The following IDH2 variants were observed in gnomAD, a reference collection of about 807,000 sequenced individuals.
IDH2 encodes the protein isocitrate dehydrogenase [NADP], mitochondrial.
A neutral mutation model predicts 50.5 loss-of-function variants in IDH2; 18 were observed. That is an observed-to-expected ratio of 0.36 (90% CI 0.25 to 0.53). The LOEUF is 0.53. Ranked by LOEUF, IDH2 falls within the 20% of genes least tolerant of loss-of-function variation. IDH2 has a pLI of 0.92. For synonymous variants in IDH2, 280 were observed against 239.8 expected, an observed-to-expected ratio of 1.17 and a Z score of -1.55; for missense variants, 518 against 610.7, an observed-to-expected ratio of 0.85 and a Z score of 1.60.
At chr15:90,092,055 T>G (rs1216716588) in intron 1 of IDH2, among the ~76,000 whole-genome samples, 1 of 152,188 alleles carries the variant, frequency 6.6e-6, no homozygotes, top group Non-Finnish European at 1.5e-5. Flanking sequence ...TGTCACTGTC[T>G]TCCAGCACCT....
At position 90,088,695 on chromosome 15, in the gene IDH2, G is replaced by T. The variant is rs1300077995; in HGVS notation, c.426C>A (p.Ile142=). The change falls in exon 4 of 11, where the codon ATC becomes ATA. Residue 142 remains isoleucine (I), a synonymous_variant. Transcript: ENST00000330062. ...GCTCCCGGAAGACAGTCCCCCCCAG[G>T]ATGTTCCGGATAGTTCCATTGGGAC... The part of the protein sequence containing the change: ...WKSPNGTIRN[I]LGGTVFREPI... 5.0e-6 allele frequency: 8 copies of T among 1,613,970 alleles called. No individual in the cohort carries two copies. In the African/African-American group the frequency reaches 1.1e-4, roughly 22 times the overall value.
rs1901044352 is a variant in IDH2 at position 90,091,737 on chromosome 15, G to A, written c.116-93C>T. On this transcript the variant is annotated intron_variant, in intron 1 of 10. Coordinates refer to ENST00000330062, the MANE Select transcript of IDH2 (RefSeq NM_002168.4). ...CAGGCCCGCCCTTCACCAGGAGACA[G>A]TGGCAGAAAGCCAGGGCTCCAGCTG... 5 of 1,027,484 alleles carry A rather than the reference G, an allele frequency of 4.9e-6. No homozygotes were observed. The South Asian group carries it at 6.3e-5, about 13-fold the overall frequency. The allele number at this position is 1,027,484 out of a possible 1,614,324, so 63.6% of individuals were successfully genotyped here.
At position 90,087,127 on chromosome 15, in the gene IDH2, C is replaced by G; in HGVS notation, c.952G>C (p.Asp318His). The change falls in exon 7 of 11, where the codon GAC becomes CAC. Residue 318 changes from aspartate to histidine, a missense_variant. Asp to His is a moderately conservative substitution (Grantham distance 81, BLOSUM62 -1). Around this residue, in one of 5 missense-constraint regions of IDH2, gnomAD observed 23 missense variants for 57.9 expected, o/e 0.40. Transcript: ENST00000330062. ...CCCAGCGTACCCTGGGCCAGGATGTCTGACTGCACATCTCCGTCATAGTTC... is the reference window on the plus strand; with the variant it reads ...CCCAGCGTACCCTGGGCCAGGATGTGTGACTGCACATCTCCGTCATAGTTC... Reference protein sequence around the residue: ...CKNYDGDVQSDILAQGFGSLG... With the variant: ...CKNYDGDVQSHILAQGFGSLG... The G allele has an allele frequency of 1.2e-6, 2 of 1,614,204 alleles. 1 individual carries two copies. The highest frequency in any genetic ancestry group is 1.7e-6 in the Non-Finnish European group (2 of 1,180,036).
In IDH2 at chr15:90,088,566, C is replaced by A. The variant is rs1338437488; in HGVS notation, c.534+21G>T. 1.9e-6 allele frequency: 3 copies of A among 1,614,064 alleles called. No homozygotes were observed. The Admixed American group carries it at 5.0e-5, about 27-fold the overall frequency. ...TCGGGGGGTGCCCAGGTCAGTGGATCCCCTCTCCACCCTGGCCTACCTGGT... is the reference window on the plus strand; with the variant it reads ...TCGGGGGGTGCCCAGGTCAGTGGATACCCTCTCCACCCTGGCCTACCTGGT... On this transcript the variant is annotated intron_variant, in intron 4 of 10. Transcript: ENST00000330062.
At chr15:90,089,621 G>A (rs1382938316) in intron 3 of IDH2, among the ~76,000 whole-genome samples, 1 of 152,246 alleles carries the variant, frequency 6.6e-6, no homozygotes, top group Non-Finnish European at 1.5e-5. Context: ...GGCATGACCT[G>A]CAGGACAGGG....
intron 5 of IDH2, among the ~76,000 whole-genome samples, chr15:90,087,776 C>T (rs569753415): frequency 1.9e-4 from 28 of 150,950 alleles, no homozygotes; most frequent in Non-Finnish European, 3.8e-4. Flanking sequence ...TGTAAAACAC[C>T]GCCTTTTTTT....
intron 7 of IDH2, among the ~76,000 whole-genome samples, 181 bp downstream of exon 7, chr15:90,086,931 A>T (rs1239427311): frequency 6.6e-6 from 1 of 151,986 alleles, no homozygotes; most frequent in East Asian, 1.9e-4. Context: ...CACCAGTCCA[A>T]ACCTAATTTG....
chr15:90,088,554 A>C (rs1377232386), intron 4 of IDH2, 33 bp downstream of exon 4: 1 of 1,614,146 alleles, frequency 6.2e-7, no homozygotes. Context: ...GGGGGTGCCC[A>C]GGTCAGTGGA....
rs1227428383 is a variant in IDH2 at position 90,085,564 on chromosome 15, G to A, written c.968-177C>T. On this transcript the variant is annotated intron_variant, in intron 7 of 10. Coordinates refer to ENST00000330062, the MANE Select transcript of IDH2 (RefSeq NM_002168.4). This position sits in a 1 kb window ranked among gnomAD's most constrained non-coding sequence, Gnocchi z 5.5. Reference sequence around the variant, plus strand: ...TCCAGGTCTCTTCACCCTCCTGTGGGTCTCCAGGGCCCAGCACAGGGCTGG... The same window carrying A: ...TCCAGGTCTCTTCACCCTCCTGTGGATCTCCAGGGCCCAGCACAGGGCTGG... 1.3e-5 allele frequency among the ~76,000 whole-genome samples: 2 copies of A among 152,186 alleles called. No individual in the cohort carries two copies. Among genetic ancestry groups the A allele is most frequent in the Non-Finnish European group, 2.9e-5 (2 of 68,030 alleles).
chr15:90,084,238 C>T lies in IDH2; in HGVS notation c.*28G>A. ...ACCCGCCGGCTCAGCCCTGGCCCCT[C>T]CACTGCAGCCATGGGTGGCGCCTCC... On this transcript the variant is annotated 3_prime_UTR_variant, in exon 11 of 11. Transcript: ENST00000330062. The surrounding 1 kb of genome is among the most constrained non-coding windows in gnomAD (Gnocchi z 5.0). 6.2e-7 allele frequency: 1 copy of T among 1,603,960 alleles called. No individual in the cohort carries two copies. The highest frequency in any genetic ancestry group is 8.5e-7 in the Non-Finnish European group (1 of 1,172,502).
At position 90,088,313 on chromosome 15, in the gene IDH2, G is replaced by C. The variant is rs775238640; in HGVS notation, c.678+46C>G. ...GAAAGCCACGAGACAGAGATGAAGA[G>C]ACAAGCTGGGAGAGGAGGGGCCCAG... On this transcript the variant is annotated intron_variant, in intron 5 of 10. Coordinates refer to ENST00000330062, the MANE Select transcript of IDH2 (RefSeq NM_002168.4). 3 of 1,608,192 alleles carry C rather than the reference G, an allele frequency of 1.9e-6. No individual in the cohort carries two copies. The East Asian group carries it at 6.7e-5, about 36-fold the overall frequency.
In IDH2 at chr15:90,100,716, G is replaced by T; in HGVS notation, c.115+1560C>A. On this transcript the variant is annotated intron_variant, in intron 1 of 10. Transcript: ENST00000330062. The surrounding 1 kb of genome is among the most constrained non-coding windows in gnomAD (Gnocchi z 4.1). Reference sequence around the variant, plus strand: ...TCCTTGTCATCAAGGGGAATGCCAAGTATTCTGTCTCCAGCTGCGTTGCCA... The same window carrying T: ...TCCTTGTCATCAAGGGGAATGCCAATTATTCTGTCTCCAGCTGCGTTGCCA... The T allele has an allele frequency of 2.2e-6, 2 of 906,486 alleles. No individual in the cohort carries two copies. The highest frequency in any genetic ancestry group is 2.6e-6 in the Non-Finnish European group (2 of 757,764). 56.2% of individuals were successfully genotyped at this position (906,486 alleles called of 1,614,324 possible). A position where few individuals can be genotyped will look rare whatever the true frequency, so the allele number is the denominator to read the frequency against.
At chr15:90,094,486 G>C (rs1049091136) in intron 1 of IDH2, among the ~76,000 whole-genome samples, 8 of 152,338 alleles carry the variant, frequency 5.3e-5, no homozygotes, top group African/African-American at 1.9e-4. Context: ...GCACTCCTCA[G>C]CCTCACTTAC....
At position 90,088,354 on chromosome 15, in the gene IDH2, C is replaced by T. The variant is rs1900928052; in HGVS notation, c.678+5G>A. ...AGGGGCCCAGGATGCCCAAGCCAGC[C>T]TCACCTCGTCGGTGTTGTACATGCC... On this transcript the variant is annotated splice_donor_5th_base_variant and intron_variant, in intron 5 of 10. Coordinates refer to ENST00000330062, the MANE Select transcript of IDH2 (RefSeq NM_002168.4). 1.2e-6 allele frequency: 2 copies of T among 1,613,124 alleles called. No individual in the cohort carries two copies. The highest frequency in any genetic ancestry group is 2.7e-5 in the African/African-American group (2 of 74,910).
Position 90,084,321 on chromosome 15 carries a change from G to T in IDH2, c.1304C>A (p.Thr435Lys). 1 of 1,614,068 alleles carries T rather than the reference G, an allele frequency of 6.2e-7. No homozygotes were observed. Among genetic ancestry groups the T allele is most frequent in the African/African-American group, 1.3e-5 (1 of 75,038 alleles). ...VKLNEHFLNT[T>K]DFLDTIKSNL... The stretch of plus-strand genomic sequence containing the variant: ...GCTCTTGATGGTGTCGAGGAAGTCC[G>T]TGGTGTTCAGGAAGTGCTCGTTCAG... The change falls in exon 11 of 11, where the codon ACG becomes AAG. Residue 435 changes from threonine (T) to lysine (K), a missense_variant. By Grantham distance (78) the Thr-to-Lys change is moderately conservative. This residue lies in a region of IDH2 where 135 missense variants were observed against 167.6 expected (regional missense o/e 0.81). Transcript: ENST00000330062. The surrounding 1 kb of genome is among the most constrained non-coding windows in gnomAD (Gnocchi z 5.0).
intron 3 of IDH2, among the ~76,000 whole-genome samples, chr15:90,089,987 T>G (rs1596075707): frequency 8.5e-6 from 1 of 117,824 alleles, no homozygotes; most frequent in African/African-American, 2.7e-5. Flanking sequence ...AGCACTCCTC[T>G]GCACAATCTC....
chr15:90,083,119 A>ATTTTTTTTTTTTTTTTTTTTTTT lies in IDH2; in HGVS notation c.*1124_*1146dup, dbSNP rs59583363. The ATTTTTTTTTTTTTTTTTTTTTTT allele has an allele frequency of 3.2e-5, 2 of 62,656 alleles. No homozygotes were observed. Among genetic ancestry groups the ATTTTTTTTTTTTTTTTTTTTTTT allele is most frequent in the African/African-American group, 6.1e-5 (1 of 16,484 alleles). The allele number at this position is 62,656 out of a possible 1,614,324, so 3.9% of individuals were successfully genotyped here. A position where few individuals can be genotyped will look rare whatever the true frequency, so the allele number is the denominator to read the frequency against. On this transcript the variant is annotated 3_prime_UTR_variant, in exon 11 of 11. Transcript: ENST00000330062. ...GGGGCTAAAAAACTTGCATAGAGCA[A>ATTTTTTTTTTTTTTTTTTTTTTT]TTTTTTTTTTTTTTTTTTTTTTTTT...
intron 2 of IDH2, 56 bp downstream of exon 2, chr15:90,091,497 G>C (rs1901034416): frequency 7.2e-7 from 1 of 1,385,264 alleles, no homozygotes; most frequent in South Asian, 1.2e-5. Flanking sequence ...CTGTGGGACA[G>C]AACAATCCCT....
At chr15:90,095,069 T>G (rs893282175) in intron 1 of IDH2, among the ~76,000 whole-genome samples, 1 of 141,934 alleles carries the variant, frequency 7.0e-6, no homozygotes, top group South Asian at 2.1e-4. Context: ...AAAGAGTTTG[T>G]TTTTTTTTTT....
Sources: allele counts gnomAD v4.1 joint callset (sites outside exome capture counted in the v4.1 genomes callset), GRCh38; gene constraint gnomAD v4.1.1; regional missense constraint gnomAD v4.1.1; non-coding constraint Gnocchi (gnomAD v3.1); transcripts MANE v1.5; gene names NCBI Gene and HGNC (gene_info 2026-07-23, HGNC 2026-07-21).